Variants in SLC27A3 observed in about 807,000 individuals in gnomAD.
SLC27A3 encodes long-chain fatty acid transport protein 3.
In SLC27A3, 60 loss-of-function variants were observed where a neutral mutation model predicts 60.1. The observed-to-expected ratio is 1.00, with a 90% CI of 0.81 to 1.24. The LOEUF (loss-of-function observed/expected upper bound fraction) is 1.24. Among genes scored for constraint, SLC27A3 ranks in the 50% most tolerant of loss-of-function variants. SLC27A3 has a pLI of 0.00. For synonymous variants in SLC27A3, 455 were observed against 409.0 expected, an observed-to-expected ratio of 1.11 and a Z score of -1.36; for missense variants, 1,079 against 929.9, an observed-to-expected ratio of 1.16 and a Z score of -2.09.
In SLC27A3 at chr1:153,777,889, C is replaced by T. The variant is rs767092054; in HGVS notation, c.1161+4C>T. The T allele has an allele frequency of 2.8e-5, 46 of 1,614,042 alleles. No homozygotes were observed. The highest frequency in any genetic ancestry group is 1.6e-4 in the Middle Eastern group (1 of 6,084). ...ATACCTTGTCAACCAGCCCCCGGTG[C>T]GTGGGCACAGATCCTGGGCAGAGCT... On this transcript the variant is annotated splice_donor_region_variant and intron_variant, in intron 4 of 9. Transcript: ENST00000624995.
Position 153,779,442 on chromosome 1 carries a change from CT to C in SLC27A3, c.1846del (p.Tyr616MetfsTer47). 1 of 1,613,922 alleles carries C rather than the reference CT, an allele frequency of 6.2e-7. No homozygotes were observed. The highest frequency in any genetic ancestry group is 8.5e-7 in the Non-Finnish European group (1 of 1,179,988). Reference sequence around the variant, plus strand: ...ACCCACGTGTCTGAGAACTTGCCACCTTATGCCCGGCCCCGATTCCTCAGGC... The same window carrying C: ...ACCCACGTGTCTGAGAACTTGCCACCTATGCCCGGCCCCGATTCCTCAGGC... ...LYTHVSENLP[P>X]YARPRFLRLQ... On this transcript the variant is annotated frameshift_variant, in exon 9 of 10. Transcript: ENST00000624995. LOFTEE classifies it low-confidence loss of function (END_TRUNC).
At chr1:153,777,497 A>G in intron 3 of SLC27A3, 1 of 613,014 alleles carries the variant, frequency 1.6e-6, no homozygotes, top group Non-Finnish European at 2.9e-6. Context: ...GAAGAGGGAG[A>G]GAGAGACAAG....
intron 4 of SLC27A3, 75 bp from the exon 5 acceptor site, chr1:153,778,086 A>C: frequency 6.5e-7 from 1 of 1,527,504 alleles, no homozygotes; most frequent in South Asian, 1.2e-5. Flanking sequence ...GTTCTGGGGA[A>C]TGGGGAACAG....
chr1:153,776,210 A>T, intron 1 of SLC27A3, 46 bp downstream of exon 1: 1 of 1,405,882 alleles, frequency 7.1e-7, no homozygotes, highest in Non-Finnish European at 9.2e-7. Flanking sequence ...CAGCCACAGA[A>T]GGGGGCGTGT....
Position 153,779,383 on chromosome 1 carries a change from T to TC in SLC27A3, c.1792dup (p.His598ProfsTer14), listed in dbSNP as rs572408453. The TC allele has an allele frequency of 4.9e-4, 791 of 1,613,484 alleles. 1 individual carries two copies. Among genetic ancestry groups the TC allele is most frequent in the Non-Finnish European group, 5.8e-4 (682 of 1,179,838 alleles). ...CTGGAATGGCAGCCCTAGTTCTGCG[T>TC]CCCCCCCACGCTTTGGACCTTATGC... On this transcript the variant is annotated frameshift_variant, in exon 9 of 10. Coordinates refer to ENST00000624995, the MANE Select transcript of SLC27A3 (RefSeq NM_024330.4). LOFTEE classifies it high-confidence loss of function.
At chr1:153,778,590 A>C in intron 6 of SLC27A3, 37 bp downstream of exon 6, 1 of 1,610,650 alleles carries the variant, frequency 6.2e-7, no homozygotes, top group Non-Finnish European at 8.5e-7. Flanking sequence ...GGGGTGCTGA[A>C]GCTGGCACAG....
chr1:153,777,739 C>T lies in SLC27A3; in HGVS notation c.1037-22C>T, dbSNP rs201533227. 1.1e-5 allele frequency: 7 copies of T among 627,812 alleles called. No homozygotes were observed. The South Asian group carries it at 1.2e-4, about 11-fold the overall frequency. The allele number at this position is 627,812 out of a possible 1,614,324, so 38.9% of individuals were successfully genotyped here. On this transcript the variant is annotated intron_variant, in intron 3 of 9. Coordinates refer to ENST00000624995, the MANE Select transcript of SLC27A3 (RefSeq NM_024330.4). The stretch of plus-strand genomic sequence containing the variant: ...TGCTCCTAATCTTACCTCCCTTCTT[C>T]CCCCCTGCCCACTTCTGGCAGGGGC...
intron 4 of SLC27A3, 46 bp downstream of exon 4, chr1:153,777,931 C>G: frequency 1.2e-6 from 2 of 1,613,028 alleles, no homozygotes; most frequent in Non-Finnish European, 1.7e-6. Context: ...ACAGGGCTAG[C>G]TCACGGGGAG....
At chr1:153,777,690 A>G in intron 3 of SLC27A3, 71 bp from the exon 4 acceptor site, 1 of 1,578,072 alleles carries the variant, frequency 6.3e-7, no homozygotes. Context: ...GGGGTCTGGA[A>G]AGAGGGGCTT....
rs1366607254 is a variant in SLC27A3 at position 153,778,318 on chromosome 1, A to T, written c.1319A>T (p.Gln440Leu). The T allele has an allele frequency of 6.2e-7, 1 of 1,614,082 alleles. No individual in the cohort carries two copies. The highest frequency in any genetic ancestry group is 1.3e-5 in the African/African-American group (1 of 74,926). Residue 440 changes from glutamine to leucine, a missense_variant, in exon 5 of 10, where the codon CAG becomes CTG. Gln to Leu is a moderately radical substitution (Grantham distance 113). Coordinates refer to ENST00000624995, the MANE Select transcript of SLC27A3 (RefSeq NM_024330.4). ...GTGGCCACCATCAACTACACAGGAC[A>T]GCGGGGCGCTGTGGGGCGTGCTTCC... The part of the protein sequence containing the change: ...GNVATINYTG[Q>L]RGAVGRASWL...
At chr1:153,779,563 T>G (rs1673432995) in intron 9 of SLC27A3, 90 bp downstream of exon 9, 2 of 1,428,488 alleles carry the variant, frequency 1.4e-6, no homozygotes, top group Non-Finnish European at 1.9e-6. Flanking sequence ...GTTTGATGGC[T>G]CCCAAACTCC....
chr1:153,775,430 G>A lies in SLC27A3; in HGVS notation c.-68G>A, dbSNP rs775546505. Reference sequence around the variant, plus strand: ...CTAGAACGAGCGGCCCTAGGTTTTCGGAAGGGAGGATCAGGGATGTTTGCG... The same window carrying A: ...CTAGAACGAGCGGCCCTAGGTTTTCAGAAGGGAGGATCAGGGATGTTTGCG... On this transcript the variant is annotated 5_prime_UTR_variant, in exon 1 of 10. Coordinates refer to ENST00000624995, the MANE Select transcript of SLC27A3 (RefSeq NM_024330.4). The A allele has an allele frequency of 1.2e-5, 19 of 1,611,920 alleles. No individual in the cohort carries two copies. The East Asian group carries it at 1.8e-4, about 15-fold the overall frequency.
Position 153,777,744 on chromosome 1 carries a change from CT to C in SLC27A3, c.1037-16del, listed in dbSNP as rs200555839. 8 of 1,611,052 alleles carry C rather than the reference CT, an allele frequency of 5.0e-6. 1 individual carries two copies. In the South Asian group the frequency reaches 5.5e-5, roughly 11 times the overall value. ...CTAATCTTACCTCCCTTCTTCCCCC[CT>C]GCCCACTTCTGGCAGGGGCCACAGT... On this transcript the variant is annotated splice_polypyrimidine_tract_variant and intron_variant, in intron 3 of 9. Coordinates refer to ENST00000624995, the MANE Select transcript of SLC27A3 (RefSeq NM_024330.4).
chr1:153,779,292 T>G (rs1449916518), intron 8 of SLC27A3, 51 bp from the exon 9 acceptor site: 4 of 1,613,528 alleles, frequency 2.5e-6, no homozygotes, highest in Non-Finnish European at 3.4e-6. Context: ...GCACGAGGCC[T>G]TCGTGGTGGT....
In SLC27A3 at chr1:153,777,098, T is replaced by C; in HGVS notation, c.914T>C (p.Ile305Thr). The change falls in exon 3 of 10, where the codon ATC becomes ACC. Residue 305 changes from isoleucine (I) to threonine (T), a missense_variant. Physicochemically the swap from Ile to Thr is moderately conservative, Grantham distance 89 (BLOSUM62 -1). Coordinates refer to ENST00000624995, the MANE Select transcript of SLC27A3 (RefSeq NM_024330.4). ...PKAARISHLK[I>T]LQCQGFYQLC... ...GCTGCTCGGATCAGTCATCTGAAGA[T>C]CCTGCAATGCCAGGGCTTCTATCAG... is the stretch of plus-strand genomic sequence containing the variant. 1 of 1,614,234 alleles carries C rather than the reference T, an allele frequency of 6.2e-7. No homozygotes were observed. The highest frequency in any genetic ancestry group is 8.5e-7 in the Non-Finnish European group (1 of 1,180,034).
At position 153,778,670 on chromosome 1, in the gene SLC27A3, C is replaced by T. The variant is rs780596893; in HGVS notation, c.1448-17C>T. ...TGGGAAAGGTGACACCACTCCTGAC[C>T]CTGGTGACTCTGCCAGGTGAGCCAG... is the stretch of plus-strand genomic sequence containing the variant. On this transcript the variant is annotated splice_polypyrimidine_tract_variant and intron_variant, in intron 6 of 9. Transcript: ENST00000624995. The T allele has an allele frequency of 1.6e-5, 26 of 1,612,516 alleles. No individual in the cohort carries two copies. The highest frequency in any genetic ancestry group is 2.2e-5 in the East Asian group (1 of 44,880).
At position 153,775,787 on chromosome 1, in the gene SLC27A3, A is replaced by G; in HGVS notation, c.290A>G (p.Glu97Gly). ...GSRRFSYSEAERESNRAARAF... is the reference protein window; with the variant it reads ...GSRRFSYSEAGRESNRAARAF... The stretch of plus-strand genomic sequence containing the variant: ...CGGCGCTTTAGCTACTCAGAGGCGG[A>G]GCGCGAGAGTAACAGGGCTGCACGC... Residue 97 changes from glutamate to glycine, a missense_variant, in exon 1 of 10, where the codon GAG (glutamate) becomes GGG (glycine). Glu to Gly is a moderately conservative substitution (Grantham distance 98). Coordinates refer to ENST00000624995, the MANE Select transcript of SLC27A3 (RefSeq NM_024330.4). The G allele has an allele frequency of 6.6e-7, 1 of 1,504,618 alleles. No individual in the cohort carries two copies. The highest frequency in any genetic ancestry group is 8.8e-7 in the Non-Finnish European group (1 of 1,131,048). 93.2% of individuals were successfully genotyped at this position (1,504,618 alleles called of 1,614,324 possible). A position where few individuals can be genotyped will look rare whatever the true frequency, so the allele number is the denominator to read the frequency against.
At chr1:153,777,564 C>T in intron 3 of SLC27A3, 197 bp from the exon 4 acceptor site, 1 of 689,724 alleles carries the variant, frequency 1.4e-6, no homozygotes, top group Non-Finnish European at 2.5e-6. Context: ...AAAGGGCATT[C>T]ACCTCTTCTA....
At chr1:153,779,019 C>A in intron 7 of SLC27A3, 95 bp from the exon 8 acceptor site, 1 of 1,471,932 alleles carries the variant, frequency 6.8e-7, no homozygotes, top group Non-Finnish European at 9.5e-7. Context: ...CTCACCATTT[C>A]ATCCCTGTGA....
Sources: gnomAD v4.1 joint callset for allele counts on GRCh38, gnomAD v4.1.1 for gene constraint, MANE v1.5 for transcripts, NCBI Gene and HGNC (gene_info 2026-07-23, HGNC 2026-07-21) for gene names.